The following SHTN1 variants were observed in gnomAD, a reference collection of about 807,000 sequenced individuals.
The protein encoded by SHTN1 is shootin 1.
In SHTN1, 42 loss-of-function variants were observed where a neutral mutation model predicts 83.1. The observed-to-expected ratio is 0.51, with a 90% CI of 0.39 to 0.65. SHTN1 has a LOEUF of 0.65. Among genes scored for constraint, SHTN1 ranks in the 30% least tolerant of loss-of-function variants. The probability of loss-of-function intolerance (pLI) is 0.00; values close to 1 mark genes in which losing one functional copy is unlikely to be tolerated. For missense variants in SHTN1, 622 were observed against 737.8 expected, an observed-to-expected ratio of 0.84 and a Z score of 1.82; for synonymous variants, 224 against 247.7, an observed-to-expected ratio of 0.90 and a Z score of 0.90.
rs1849336620 is a variant in SHTN1 at position 116,940,679 on chromosome 10, A to C, written c.712-67T>G. The stretch of plus-strand genomic sequence containing the variant: ...CACATACCTCCTCAACTGTAACTTC[A>C]GCAAAAGAAAAGTACATGGAATTTT... On this transcript the variant is annotated intron_variant, in intron 8 of 16. Coordinates refer to ENST00000355371, the MANE Select transcript of SHTN1 (RefSeq NM_001127211.3). The C allele has an allele frequency of 3.1e-6, 4 of 1,281,684 alleles. No individual in the cohort carries two copies. In the East Asian group the frequency reaches 1.0e-4, roughly 32 times the overall value. The allele number at this position is 1,281,684 out of a possible 1,614,324, so 79.4% of individuals were successfully genotyped here.
chr10:117,068,564 C>T (rs192976059), intron 1 of SHTN1, among the ~76,000 whole-genome samples: 2 of 150,662 alleles, frequency 1.3e-5, no homozygotes, highest in African/African-American at 4.9e-5. Flanking sequence ...GAATGTGGAA[C>T]TGAGAAAGAT....
At chr10:116,959,452 G>A (rs915586682) in intron 4 of SHTN1, among the ~76,000 whole-genome samples, 4 of 152,124 alleles carry the variant, frequency 2.6e-5, no homozygotes, top group African/African-American at 9.7e-5. Context: ...GGAGGGAAAA[G>A]AAACACAACC....
At chr10:116,942,176 T>C (rs1481559091) in intron 8 of SHTN1, among the ~76,000 whole-genome samples, 2 of 151,972 alleles carry the variant, frequency 1.3e-5, no homozygotes, top group East Asian at 3.9e-4. Context: ...GTGATTTAAT[T>C]AAAATGAATT....
intron 2 of SHTN1, among the ~76,000 whole-genome samples, chr10:116,973,156 G>A (rs1227071917): frequency 6.6e-6 from 1 of 152,076 alleles, no homozygotes; most frequent in Non-Finnish European, 1.5e-5. Context: ...GCTTCAAAGG[G>A]CTCAGCAGAA....
intron 11 of SHTN1, among the ~76,000 whole-genome samples, chr10:116,926,852 T>C (rs1219998119): frequency 6.6e-6 from 1 of 152,178 alleles, no homozygotes; most frequent in Non-Finnish European, 1.5e-5. Context: ...TTCTAGATGG[T>C]GGCATGTGGA....
At chr10:117,028,150 A>G (rs974485706) in intron 2 of SHTN1, among the ~76,000 whole-genome samples, 17 of 152,182 alleles carry the variant, frequency 1.1e-4, no homozygotes, top group Admixed American at 5.9e-4. Flanking sequence ...TCCCCGCCCT[A>G]TGGATCTGTG....
chr10:117,010,637 G>A (rs1437417917), intron 2 of SHTN1, among the ~76,000 whole-genome samples: 3 of 152,182 alleles, frequency 2.0e-5, no homozygotes, highest in South Asian at 2.1e-4. Context: ...GAAAAGAAAT[G>A]TACACACCAA....
chr10:117,022,508 G>A (rs984107544), intron 2 of SHTN1, among the ~76,000 whole-genome samples: 16 of 152,016 alleles, frequency 1.1e-4, no homozygotes, highest in African/African-American at 3.6e-4. Flanking sequence ...AACCACGTTT[G>A]AGGATTGCAA....
At chr10:116,894,818 G>A (rs954269219) in intron 16 of SHTN1, among the ~76,000 whole-genome samples, 5 of 152,124 alleles carry the variant, frequency 3.3e-5, no homozygotes, top group Non-Finnish European at 7.3e-5. Context: ...GACAAGCAGC[G>A]CCACTTTCAG....
chr10:116,989,530 T>C (rs1477026561), intron 1 of SHTN1, among the ~76,000 whole-genome samples: 2 of 152,068 alleles, frequency 1.3e-5, no homozygotes, highest in Admixed American at 6.5e-5. Context: ...AAACAAAAGG[T>C]CTTTCTATCC....
Position 116,929,946 on chromosome 10 carries a change from G to A in SHTN1, c.915C>T (p.Asn305=), listed in dbSNP as rs1486556909. The A allele has an allele frequency of 6.2e-7, 1 of 1,606,190 alleles. No homozygotes were observed. The highest frequency in any genetic ancestry group is 1.7e-5 in the Admixed American group (1 of 59,466). The part of the protein sequence containing the change: ...ENETLHKEIH[N]LKQQLELLEE... Reference sequence around the variant, plus strand: ...CTAGAAGCTCCAGTTGCTGTTTGAGGTTGTGTATTTCTTTGTGGAGTGTTT... The same window carrying A: ...CTAGAAGCTCCAGTTGCTGTTTGAGATTGTGTATTTCTTTGTGGAGTGTTT... Residue 305 remains asparagine, a synonymous_variant, in exon 10 of 17, where the codon AAC becomes AAT. Coordinates refer to ENST00000355371, the MANE Select transcript of SHTN1 (RefSeq NM_001127211.3).
At chr10:117,086,685 A>C (rs80056111) in intron 1 of SHTN1, among the ~76,000 whole-genome samples, 3,611 of 152,300 alleles carry the variant, frequency 0.024, 128 homozygotes, top group East Asian at 0.12. Context: ...CATTATGGAA[A>C]AGGTCAGCGA....
chr10:117,100,363 C>T (rs1853572436), intron 1 of SHTN1, among the ~76,000 whole-genome samples: 1 of 152,130 alleles, frequency 6.6e-6, no homozygotes, highest in Admixed American at 6.5e-5. Flanking sequence ...CAAGTTGTTG[C>T]CACAGAGACT....
At chr10:117,065,831 AGG>A (rs1564947406) in intron 1 of SHTN1, among the ~76,000 whole-genome samples, 12 of 86,282 alleles carry the variant, frequency 1.4e-4, no homozygotes, top group African/African-American at 5.6e-4. Flanking sequence ...GAAGGAAGGA[AGG>A]AAGGAAGGAA....
intron 1 of SHTN1, among the ~76,000 whole-genome samples, chr10:117,111,863 T>C (rs1337195354): frequency 3.9e-5 from 6 of 152,202 alleles, no homozygotes; most frequent in Admixed American, 1.3e-4. Flanking sequence ...GCAAAGTCAA[T>C]GGACCAGCAC....
chr10:116,894,537 G>C (rs766790820), intron 16 of SHTN1, among the ~76,000 whole-genome samples: 2 of 152,172 alleles, frequency 1.3e-5, no homozygotes, highest in Non-Finnish European at 2.9e-5. Context: ...AGAATCTCTG[G>C]CAATTAATTG....
intron 3 of SHTN1, among the ~76,000 whole-genome samples, chr10:116,967,515 C>A (rs1850439068): frequency 6.6e-6 from 1 of 152,166 alleles, no homozygotes; most frequent in Non-Finnish European, 1.5e-5. Context: ...TTATTATACA[C>A]CTGTGAAACC....
chr10:117,086,384 T>C (rs548102894), intron 1 of SHTN1, among the ~76,000 whole-genome samples: 1 of 152,234 alleles, frequency 6.6e-6, no homozygotes, highest in Non-Finnish European at 1.5e-5. Context: ...GTTTGCTTTA[T>C]TTTAACCACT....
intron 1 of SHTN1, among the ~76,000 whole-genome samples, chr10:117,091,935 T>C (rs1473940256): frequency 1.3e-5 from 2 of 152,204 alleles, no homozygotes; most frequent in African/African-American, 4.8e-5. Flanking sequence ...CTGTGTCTTA[T>C]TAATGACTGC....
Sources: allele counts gnomAD v4.1 joint callset (sites outside exome capture counted in the v4.1 genomes callset), GRCh38; gene constraint gnomAD v4.1.1; transcripts MANE v1.5; gene names NCBI Gene and HGNC (gene_info 2026-07-23, HGNC 2026-07-21).